Variants in C9 observed in about 807,000 individuals in gnomAD.
The protein encoded by C9 is complement C9.
In C9, 63 loss-of-function variants were observed where a neutral mutation model predicts 65.4. The ratio of observed to expected loss-of-function variants is 0.96; its 90% CI spans 0.79 to 1.19. C9 has a LOEUF of 1.19. Among genes scored for constraint, C9 ranks in the 50% most tolerant of loss-of-function variants. C9 has a pLI of 0.00. For synonymous variants in C9, 229 were observed against 227.9 expected, an observed-to-expected ratio of 1.00 and a Z score of -0.04; for missense variants, 744 against 670.1, an observed-to-expected ratio of 1.11 and a Z score of -1.22.
intron 1 of C9, among the ~76,000 whole-genome samples, chr5:39,362,468 G>A (rs1484629896): frequency 9.9e-5 from 15 of 152,182 alleles, no homozygotes; most frequent in South Asian, 2.1e-4. Flanking sequence ...CCAGAGTATC[G>A]GAGGGAGCAC....
At chr5:39,338,560 G>A (rs539699743) in intron 4 of C9, among the ~76,000 whole-genome samples, 190 of 152,266 alleles carry the variant, frequency 1.2e-3, no homozygotes, top group African/African-American at 3.7e-3. Flanking sequence ...AATGAAAGTC[G>A]TCATAGAACA....
Position 39,288,929 on chromosome 5 carries a change from A to G in C9, c.1439T>C (p.Val480Ala), listed in dbSNP as rs941096732. The change falls in exon 10 of 11, where the codon GTT becomes GCT. Residue 480 changes from valine (V) to alanine (A), a missense_variant. Coordinates refer to ENST00000263408, the MANE Select transcript of C9 (RefSeq NM_001737.5). ...GTGTGCATTTTTCATTTTCACTGGA[A>G]CCAGATTATATATAGGAGACAGCTG... The part of the protein sequence containing the change: ...SQKLSPIYNL[V>A]PVKMKNAHLK... 1.2e-6 allele frequency: 2 copies of G among 1,604,306 alleles called. No individual in the cohort carries two copies. The highest frequency in any genetic ancestry group is 1.7e-6 in the Non-Finnish European group (2 of 1,171,684).
intron 8 of C9, among the ~76,000 whole-genome samples, chr5:39,307,971 A>C (rs1021397743): frequency 2.6e-5 from 4 of 152,210 alleles, no homozygotes; most frequent in African/African-American, 4.8e-5. Flanking sequence ...TGCCATAATA[A>C]ATATACAAGT....
At chr5:39,321,950 G>A (rs758495868) in intron 5 of C9, among the ~76,000 whole-genome samples, 27 of 152,026 alleles carry the variant, frequency 1.8e-4, no homozygotes, top group Admixed American at 8.5e-4. Context: ...GTCATCTGGA[G>A]AGAAAATTAT....
intron 6 of C9, among the ~76,000 whole-genome samples, chr5:39,312,711 A>G (rs2111890156): frequency 6.6e-6 from 1 of 152,282 alleles, no homozygotes; most frequent in South Asian, 2.1e-4. Context: ...AATTTTGCAA[A>G]TGGATCTTTT....
chr5:39,362,924 C>G (rs575777267), intron 1 of C9, among the ~76,000 whole-genome samples: 3 of 152,060 alleles, frequency 2.0e-5, no homozygotes, highest in Non-Finnish European at 4.4e-5. Context: ...AGCCGTGCAG[C>G]TGCTGGAGCT....
intron 10 of C9, among the ~76,000 whole-genome samples, chr5:39,288,402 A>T (rs1220937775): frequency 6.6e-6 from 1 of 151,846 alleles, no homozygotes; most frequent in African/African-American, 2.4e-5. Flanking sequence ...TATATGTATT[A>T]ACATTCATCA....
chr5:39,319,676 C>G (rs1753632555), intron 5 of C9, among the ~76,000 whole-genome samples: 2 of 152,148 alleles, frequency 1.3e-5, no homozygotes, highest in South Asian at 4.1e-4. Flanking sequence ...AGGCGCGAGA[C>G]CAGGGATCCA....
chr5:39,339,032 G>A (rs901841497), intron 4 of C9, among the ~76,000 whole-genome samples: 2 of 152,112 alleles, frequency 1.3e-5, no homozygotes, highest in Admixed American at 1.3e-4. Context: ...GTTGTTTCTT[G>A]GATCCCAATT....
At chr5:39,306,573 A>C in intron 9 of C9, 44 bp downstream of exon 9, 1 of 1,466,094 alleles carries the variant, frequency 6.8e-7, no homozygotes, top group Non-Finnish European at 9.6e-7. Flanking sequence ...CATTTAATAA[A>C]AAAATGACAC....
At chr5:39,320,609 A>G (rs1753649335) in intron 5 of C9, among the ~76,000 whole-genome samples, 1 of 152,172 alleles carries the variant, frequency 6.6e-6, no homozygotes, top group Non-Finnish European at 1.5e-5. Flanking sequence ...TAGAAAACTT[A>G]TTTAAAGAAA....
At chr5:39,325,249 C>T (rs1753728135) in intron 5 of C9, among the ~76,000 whole-genome samples, 1 of 152,168 alleles carries the variant, frequency 6.6e-6, no homozygotes, top group Admixed American at 6.5e-5. Flanking sequence ...TTTTGAGGCA[C>T]CCCTCTGCCA....
At chr5:39,307,900 G>A (rs1169557772) in intron 8 of C9, among the ~76,000 whole-genome samples, 1 of 152,130 alleles carries the variant, frequency 6.6e-6, no homozygotes, top group Non-Finnish European at 1.5e-5. Flanking sequence ...TGCTTATTTG[G>A]AAGCTTTGTT....
chr5:39,296,429 CA>C (rs1403245840), intron 9 of C9, among the ~76,000 whole-genome samples: 1 of 151,222 alleles, frequency 6.6e-6, no homozygotes, highest in Non-Finnish European at 1.5e-5. Flanking sequence ...TGTTCAATAT[CA>C]AACGGATAAA....
chr5:39,302,462 A>G (rs1753302808), intron 9 of C9, among the ~76,000 whole-genome samples: 1 of 152,076 alleles, frequency 6.6e-6, no homozygotes, highest in Admixed American at 6.6e-5. Flanking sequence ...TGATAGAATG[A>G]GTGTTGTTTT....
In C9 at chr5:39,311,213, G is replaced by GT; in HGVS notation, c.1034dup (p.His345GlnfsTer4). 7 of 1,613,162 alleles carry GT rather than the reference G, an allele frequency of 4.3e-6. No individual in the cohort carries two copies. The highest frequency in any genetic ancestry group is 5.9e-6 in the Non-Finnish European group (7 of 1,179,180). ...CTCCTAGAGACCCAGAGCTACTGTA[G>GT]TGAGTTCCATAGGTTTCCAAAAAGG... is the stretch of plus-strand genomic sequence containing the variant. On this transcript the variant is annotated frameshift_variant, in exon 7 of 11. Transcript: ENST00000263408. LOFTEE classifies it high-confidence loss of function.
chr5:39,304,364 T>C lies in C9; in HGVS notation c.1416+2253A>G, dbSNP rs1753337740. On this transcript the variant is annotated intron_variant, in intron 9 of 10. Coordinates refer to ENST00000263408, the MANE Select transcript of C9 (RefSeq NM_001737.5). ...GTTCTAGTAATTCTTCAAAAGACTA[T>C]CCCCTATGTTTGAACATGTCATCTG... Among the ~76,000 whole-genome samples the C allele has an allele frequency of 1.3e-5, 2 of 152,104 alleles. 1 individual carries two copies. The highest frequency in any genetic ancestry group is 4.1e-4 in the South Asian group (2 of 4,832).
At chr5:39,348,523 T>A (rs375534122) in intron 1 of C9, among the ~76,000 whole-genome samples, 43 of 152,072 alleles carry the variant, frequency 2.8e-4, no homozygotes, top group African/African-American at 8.0e-4. Context: ...AGGAAACAAC[T>A]GGTGCTGGAG....
At chr5:39,323,936 C>A (rs561340299) in intron 5 of C9, among the ~76,000 whole-genome samples, 3 of 152,044 alleles carry the variant, frequency 2.0e-5, no homozygotes, top group African/African-American at 7.2e-5. Flanking sequence ...CAAAACAAGA[C>A]AAAAAATGTT....
Sources: allele counts gnomAD v4.1 joint callset (sites outside exome capture counted in the v4.1 genomes callset), GRCh38; gene constraint gnomAD v4.1.1; transcripts MANE v1.5; gene names NCBI Gene and HGNC (gene_info 2026-07-23, HGNC 2026-07-21).